The following GPC6 variants were observed in gnomAD, a reference collection of about 807,000 sequenced individuals.
GPC6 encodes the protein glypican-6.
GPC6 carries 14 observed loss-of-function variants against 55.2 expected under a neutral mutation model. The ratio of observed to expected loss-of-function variants is 0.25; its 90% confidence interval spans 0.17 to 0.40. GPC6 has a LOEUF of 0.40. Ranked by LOEUF, GPC6 falls within the 10% of genes least tolerant of loss-of-function variation. The pLI, the probability that GPC6 is intolerant of heterozygous loss-of-function variation, is 1.00. For missense variants in GPC6, 641 were observed against 708.5 expected, an observed-to-expected ratio of 0.90 and a Z score of 1.08; for synonymous variants, 278 against 259.6, an observed-to-expected ratio of 1.07 and a Z score of -0.68.
intron 4 of GPC6, among the ~76,000 whole-genome samples, chr13:94,271,678 C>T (rs769104643): frequency 6.6e-6 from 1 of 152,114 alleles, no homozygotes; most frequent in Non-Finnish European, 1.5e-5. Context: ...GTACCAAGCC[C>T]ATTGAAAATA....
chr13:93,598,926 C>T (rs1182099756), intron 2 of GPC6, among the ~76,000 whole-genome samples: 1 of 152,156 alleles, frequency 6.6e-6, no homozygotes, highest in Non-Finnish European at 1.5e-5. Context: ...GAAGAATAAA[C>T]ATTGAGATTC....
At position 93,227,034 on chromosome 13, in the gene GPC6, C is replaced by CG; in HGVS notation, c.-418dup. Reference sequence around the variant, plus strand: ...CGCTCTCGCTTGTCCATCTCCCTCCCGGGGGAGCCGGCGCGCGCTCCCACC... The same window carrying CG: ...CGCTCTCGCTTGTCCATCTCCCTCCCGGGGGGAGCCGGCGCGCGCTCCCACC... On this transcript the variant is annotated 5_prime_UTR_variant, in exon 1 of 9. Transcript: ENST00000377047. The surrounding 1 kb of genome is among the most constrained non-coding windows in gnomAD (Gnocchi z 4.3). 1 of 161,208 alleles carries CG rather than the reference C, an allele frequency of 6.2e-6. No individual in the cohort carries two copies. Among genetic ancestry groups the CG allele is most frequent in the East Asian group, 1.8e-4 (1 of 5,564 alleles). 10.0% of individuals were successfully genotyped at this position (161,208 alleles called of 1,614,324 possible). A position where few individuals can be genotyped will look rare whatever the true frequency, so the allele number is the denominator to read the frequency against.
chr13:94,193,777 T>G (rs573515879), intron 4 of GPC6, among the ~76,000 whole-genome samples: 23 of 152,312 alleles, frequency 1.5e-4, no homozygotes, highest in African/African-American at 5.3e-4. Context: ...TCTAGACCCC[T>G]TATCTCTTTC....
At chr13:93,489,402 T>G (rs1157412417) in intron 1 of GPC6, among the ~76,000 whole-genome samples, 3 of 151,414 alleles carry the variant, frequency 2.0e-5, no homozygotes, top group African/African-American at 4.8e-5. Context: ...AGACAGGTAG[T>G]GTGATGCCTC....
intron 4 of GPC6, among the ~76,000 whole-genome samples, chr13:94,221,167 CTT>C (rs1890370734): frequency 6.6e-6 from 1 of 152,038 alleles, no homozygotes; most frequent in Admixed American, 6.6e-5. Context: ...ATGGAAATGT[CTT>C]GTTTTTAAAA....
chr13:94,292,958 T>C (rs927836711), intron 5 of GPC6, among the ~76,000 whole-genome samples: 7 of 152,224 alleles, frequency 4.6e-5, no homozygotes, highest in African/African-American at 1.7e-4. Flanking sequence ...CCTAGTTGTA[T>C]AACCAAGTTA....
At chr13:94,091,612 A>G (rs1885481585) in intron 4 of GPC6, among the ~76,000 whole-genome samples, 1 of 152,184 alleles carries the variant, frequency 6.6e-6, no homozygotes, top group Non-Finnish European at 1.5e-5. Context: ...CAAGTCGACA[A>G]GCAATTAATT....
chr13:94,283,072 C>A (rs566445156), intron 4 of GPC6, among the ~76,000 whole-genome samples: 11 of 152,354 alleles, frequency 7.2e-5, no homozygotes, highest in South Asian at 6.2e-4. Flanking sequence ...AGATCACCAG[C>A]TTTGCATCTT....
At chr13:94,213,891 A>AT in intron 4 of GPC6, among the ~76,000 whole-genome samples, 1 of 152,346 alleles carries the variant, frequency 6.6e-6, no homozygotes, top group Non-Finnish European at 1.5e-5. Context: ...AATGGTGGCC[A>AT]TTTTTGACAG....
intron 1 of GPC6, among the ~76,000 whole-genome samples, chr13:93,535,294 T>A (rs1024297763): frequency 6.6e-6 from 1 of 152,178 alleles, no homozygotes; most frequent in African/African-American, 2.4e-5. Context: ...CATTGTTATA[T>A]CAAATACTTG....
At position 93,389,705 on chromosome 13, in the gene GPC6, A is replaced by G. The variant is rs147272926; in HGVS notation, c.161-155558A>G. Among the ~76,000 whole-genome samples the G allele has an allele frequency of 7.0e-3, 1,057 of 151,996 alleles. 8 individuals are homozygous for G. The highest frequency in any genetic ancestry group is 0.024 in the African/African-American group (1,009 of 41,502). On this transcript the variant is annotated intron_variant, in intron 1 of 8. Transcript: ENST00000377047. ...TACACAAACACACAGGTAGTTTACT[A>G]TATCTATTTTTCCTTTTAGTAAAGG... is the stretch of plus-strand genomic sequence containing the variant.
At chr13:94,117,571 G>A (rs192061247) in intron 4 of GPC6, among the ~76,000 whole-genome samples, 48 of 152,206 alleles carry the variant, frequency 3.2e-4, no homozygotes, top group African/African-American at 1.1e-3. Flanking sequence ...AAGTCATCCT[G>A]TTTATTGGAC....
chr13:93,749,988 GT>G (rs1400506414), intron 2 of GPC6, among the ~76,000 whole-genome samples: 1 of 152,122 alleles, frequency 6.6e-6, no homozygotes, highest in Non-Finnish European at 1.5e-5. Flanking sequence ...TCTTTTGGAT[GT>G]TTTGAATTTT....
chr13:93,443,921 C>T (rs1404259289), intron 1 of GPC6, among the ~76,000 whole-genome samples: 4 of 152,130 alleles, frequency 2.6e-5, no homozygotes, highest in South Asian at 2.1e-4. Flanking sequence ...ACAGTGCTTT[C>T]GCCAATGTAA....
At chr13:94,208,422 C>G (rs1889969315) in intron 4 of GPC6, among the ~76,000 whole-genome samples, 1 of 151,980 alleles carries the variant, frequency 6.6e-6, no homozygotes, top group Admixed American at 6.6e-5. Context: ...GAAGGAGGAA[C>G]AGCTGGCTGC....
intron 2 of GPC6, among the ~76,000 whole-genome samples, chr13:93,642,433 G>C (rs1436330286): frequency 3.9e-5 from 6 of 151,980 alleles, no homozygotes; most frequent in African/African-American, 1.4e-4. Context: ...TTGCTATTGG[G>C]AATAGCACTG....
chr13:93,629,686 A>G (rs140720245), intron 2 of GPC6, among the ~76,000 whole-genome samples: 11 of 152,354 alleles, frequency 7.2e-5, no homozygotes, highest in African/African-American at 2.6e-4. Flanking sequence ...AAGATTCAGT[A>G]AGTTCTGCTA....
At chr13:93,391,388 G>C (rs889024024) in intron 1 of GPC6, among the ~76,000 whole-genome samples, 5 of 152,116 alleles carry the variant, frequency 3.3e-5, no homozygotes, top group African/African-American at 1.2e-4. Flanking sequence ...CAGATTGATT[G>C]TGAGTCTTGA....
intron 3 of GPC6, among the ~76,000 whole-genome samples, chr13:93,971,126 A>G (rs1164236513): frequency 6.6e-6 from 1 of 152,212 alleles, no homozygotes; most frequent in Non-Finnish European, 1.5e-5. Flanking sequence ...TAATAAATCA[A>G]GTATTTCTGC....
Sources: allele counts gnomAD v4.1 joint callset (sites outside exome capture counted in the v4.1 genomes callset), GRCh38; gene constraint gnomAD v4.1.1; non-coding constraint Gnocchi (gnomAD v3.1); transcripts MANE v1.5; gene names NCBI Gene and HGNC (gene_info 2026-07-23, HGNC 2026-07-21).